Variants in PLXDC2 observed in about 807,000 individuals in gnomAD.
PLXDC2 encodes the protein plexin domain-containing protein 2.
Under a neutral mutation model 68.9 loss-of-function variants are expected in PLXDC2, and 40 were observed. That is an observed-to-expected ratio of 0.58 (90% CI 0.45 to 0.76). The LOEUF (loss-of-function observed/expected upper bound fraction) is 0.76. PLXDC2 is among the 30% of genes least tolerant of loss of function. PLXDC2 has a pLI of 0.00. For synonymous variants in PLXDC2, 243 were observed against 234.2 expected (o/e 1.04, Z -0.34); for missense variants, 644 against 661.9 (o/e 0.97, Z 0.30).
In PLXDC2 at chr10:20,265,668, T is replaced by C. The variant is rs138765972; in HGVS notation, c.1474-14035T>C. On this transcript the variant is annotated intron_variant, in intron 13 of 13. Transcript: ENST00000377252. ...TCATAGTTATAATCTCTGAGCCTCA[T>C]GTAAGTCATTAAAAAGATATAGATA... 4.8e-3 allele frequency among the ~76,000 whole-genome samples: 725 copies of C among 152,338 alleles called. 4 individuals are homozygous for C. Among genetic ancestry groups the C allele is most frequent in the Middle Eastern group, 0.014 (4 of 294 alleles).
chr10:20,267,765 C>T (rs534931696), intron 13 of PLXDC2, among the ~76,000 whole-genome samples: 1 of 139,646 alleles, frequency 7.2e-6, no homozygotes, highest in Admixed American at 7.2e-5. Context: ...GACTACAAAA[C>T]AAAACAAAAC....
intron 4 of PLXDC2, among the ~76,000 whole-genome samples, chr10:20,123,882 A>G (rs531529800): frequency 6.6e-6 from 1 of 151,938 alleles, no homozygotes; most frequent in East Asian, 1.9e-4. Flanking sequence ...CAGAGATATA[A>G]GAGCTTGGGG....
At chr10:20,047,041 A>G (rs756656068) in intron 3 of PLXDC2, 26 bp downstream of exon 3, 9 of 1,550,240 alleles carry the variant, frequency 5.8e-6, no homozygotes, top group Non-Finnish European at 7.8e-6. Context: ...TTCAGGGTTC[A>G]TTTTACCTAC....
chr10:20,201,658 T>G (rs1362890753), intron 9 of PLXDC2, among the ~76,000 whole-genome samples: 2 of 152,058 alleles, frequency 1.3e-5, no homozygotes, highest in African/African-American at 4.8e-5. Context: ...TGACAAATGT[T>G]TGAGACGATG....
intron 1 of PLXDC2, among the ~76,000 whole-genome samples, chr10:19,944,580 C>T (rs1254699185): frequency 2.0e-5 from 3 of 152,146 alleles, no homozygotes; most frequent in African/African-American, 4.8e-5. Context: ...AACTCCAGGG[C>T]TACCATGTGA....
At chr10:20,183,391 T>A (rs971975940) in intron 9 of PLXDC2, among the ~76,000 whole-genome samples, 1 of 152,006 alleles carries the variant, frequency 6.6e-6, no homozygotes, top group African/African-American at 2.4e-5. Context: ...TTACATAGAA[T>A]TGTTTTAAAT....
chr10:20,125,276 A>C (rs2131767311), intron 4 of PLXDC2, among the ~76,000 whole-genome samples: 1 of 151,884 alleles, frequency 6.6e-6, no homozygotes, highest in Middle Eastern at 3.4e-3. Flanking sequence ...TAACTTACTA[A>C]CAACGCCATA....
At chr10:19,876,542 C>T (rs1240701775) in intron 1 of PLXDC2, among the ~76,000 whole-genome samples, 1 of 129,194 alleles carries the variant, frequency 7.7e-6, no homozygotes, top group African/African-American at 3.0e-5. Flanking sequence ...GCAGAGGTTA[C>T]AGTGAGCTGA....
chr10:20,172,614 A>G (rs1314075687), intron 7 of PLXDC2, among the ~76,000 whole-genome samples: 1 of 152,114 alleles, frequency 6.6e-6, no homozygotes, highest in East Asian at 1.9e-4. Flanking sequence ...TTTATCAGTT[A>G]ATGTCTTGGG....
At chr10:19,839,239 CAGAG>C (rs1481964668) in intron 1 of PLXDC2, among the ~76,000 whole-genome samples, 1 of 150,378 alleles carries the variant, frequency 6.6e-6, no homozygotes, top group Non-Finnish European at 1.5e-5. Context: ...TAAGAAACAA[CAGAG>C]AAAGGTCTAG....
chr10:20,184,336 T>C (rs1834650066), intron 9 of PLXDC2, among the ~76,000 whole-genome samples: 2 of 148,658 alleles, frequency 1.3e-5, no homozygotes, highest in Admixed American at 1.4e-4. Flanking sequence ...TTTATGTGTA[T>C]ATAAAACATA....
intron 1 of PLXDC2, among the ~76,000 whole-genome samples, chr10:19,873,180 G>A (rs187372413): frequency 1.2e-3 from 188 of 152,184 alleles, no homozygotes; most frequent in African/African-American, 4.3e-3. Context: ...AGAGATTTCG[G>A]GTGGAGGGAG....
intron 3 of PLXDC2, among the ~76,000 whole-genome samples, chr10:20,052,310 C>T (rs544966804): frequency 1.1e-3 from 169 of 152,130 alleles, no homozygotes; most frequent in Non-Finnish European, 1.9e-3. Flanking sequence ...ATTTCCTCAA[C>T]TGGACTTTCT....
At chr10:20,188,499 G>A (rs1171374388) in intron 9 of PLXDC2, among the ~76,000 whole-genome samples, 1 of 151,562 alleles carries the variant, frequency 6.6e-6, no homozygotes, top group Admixed American at 6.6e-5. Flanking sequence ...TGGATCCCAG[G>A]GATTTGGCTT....
At chr10:20,229,517 C>CAAAAAAAAAAA (rs58386547) in intron 12 of PLXDC2, among the ~76,000 whole-genome samples, 1 of 105,664 alleles carries the variant, frequency 9.5e-6, no homozygotes, top group Non-Finnish European at 1.8e-5. Context: ...CCACTTTAAG[C>CAAAAAAAAAAA]AAAAAAAAAA....
chr10:20,198,523 T>C (rs10827994), intron 9 of PLXDC2, among the ~76,000 whole-genome samples: 1 of 151,972 alleles, frequency 6.6e-6, no homozygotes, highest in East Asian at 1.9e-4. Flanking sequence ...AGAAATGTCT[T>C]CAACTTTTAA....
At chr10:20,212,093 T>C (rs1835077208) in intron 10 of PLXDC2, among the ~76,000 whole-genome samples, 1 of 151,642 alleles carries the variant, frequency 6.6e-6, no homozygotes, top group Non-Finnish European at 1.5e-5. Flanking sequence ...TGAGGGGAGC[T>C]TGTGGGGAGG....
intron 1 of PLXDC2, among the ~76,000 whole-genome samples, chr10:19,836,213 A>T: frequency 6.6e-6 from 1 of 151,966 alleles, no homozygotes; most frequent in East Asian, 1.9e-4. Context: ...TTGGGAAGTA[A>T]ATGACAGAGA....
At chr10:19,961,790 A>G (rs1220278966) in intron 1 of PLXDC2, among the ~76,000 whole-genome samples, 1 of 152,170 alleles carries the variant, frequency 6.6e-6, no homozygotes, top group Non-Finnish European at 1.5e-5. Context: ...GTTTGCCTCA[A>G]CTTCTGAATT....
Sources: allele counts gnomAD v4.1 joint callset (sites outside exome capture counted in the v4.1 genomes callset), GRCh38; gene constraint gnomAD v4.1.1; transcripts MANE v1.5; gene names NCBI Gene and HGNC (gene_info 2026-07-23, HGNC 2026-07-21).